RGS17: variants seen among roughly 807,000 people sequenced by gnomAD.
The protein encoded by RGS17 is regulator of G protein signaling 17, also known as regulator of G-protein signaling 17.
A neutral mutation model predicts 25.5 loss-of-function variants in RGS17; 12 were observed. That is an observed-to-expected ratio of 0.47 (90% CI 0.30 to 0.76). The LOEUF (loss-of-function observed/expected upper bound fraction) is 0.76, where lower values mean the gene tolerates loss of function less well. Ranked by LOEUF, RGS17 falls within the 30% of genes least tolerant of loss-of-function variation. The pLI is 0.07. For synonymous variants in RGS17, 71 were observed against 76.9 expected, an observed-to-expected ratio of 0.92 and a Z score of 0.40; for missense variants, 196 against 242.2, an observed-to-expected ratio of 0.81 and a Z score of 1.27.
At chr6:153,043,781 CA>C in intron 2 of RGS17, 118 bp downstream of exon 2, 1 of 614,924 alleles carries the variant, frequency 1.6e-6, no homozygotes, top group Admixed American at 3.0e-5. Flanking sequence ...GTCCTACTTG[CA>C]AAGAAAGAAC....
chr6:153,058,510 C>G (rs1776593982), intron 1 of RGS17, among the ~76,000 whole-genome samples: 1 of 152,226 alleles, frequency 6.6e-6, no homozygotes, highest in Admixed American at 6.5e-5. Flanking sequence ...ATCCAACAAT[C>G]AAACTTCATT....
In RGS17 at chr6:153,005,414, A is replaced by C. The variant is rs1037614668; in HGVS notation, c.*6160T>G. 1.3e-5 allele frequency: 2 copies of C among 152,190 alleles called. No individual in the cohort carries two copies. Among genetic ancestry groups the C allele is most frequent in the Admixed American group, 1.3e-4 (2 of 15,270 alleles). The allele number at this position is 152,190 out of a possible 1,614,324, so 9.4% of individuals were successfully genotyped here. A position where few individuals can be genotyped will look rare whatever the true frequency, so the allele number is the denominator to read the frequency against. On this transcript the variant is annotated 3_prime_UTR_variant, in exon 5 of 5. Coordinates refer to ENST00000206262, the MANE Select transcript of RGS17 (RefSeq NM_012419.5). ...GTTTAGAATTTGTTTAGCTCAGTGT[A>C]AATGTCCAGAAAATTTACCTTCAAT...
intron 1 of RGS17, among the ~76,000 whole-genome samples, chr6:153,125,078 ACTCAC>A (rs1436952624): frequency 6.6e-6 from 1 of 151,958 alleles, no homozygotes; most frequent in East Asian, 1.9e-4. Context: ...TGAAATAAAC[ACTCAC>A]CTGCTCATTC....
chr6:153,060,722 T>G (rs1341735500), intron 1 of RGS17, among the ~76,000 whole-genome samples: 1 of 152,198 alleles, frequency 6.6e-6, no homozygotes, highest in Admixed American at 6.6e-5. Flanking sequence ...GCACTTTTTT[T>G]TTTTTCTTAA....
chr6:153,048,532 A>G (rs944893834), intron 1 of RGS17, among the ~76,000 whole-genome samples: 3 of 152,216 alleles, frequency 2.0e-5, no homozygotes, highest in African/African-American at 7.2e-5. Context: ...TCTTATTCAG[A>G]GTGAAGTTCT....
chr6:153,061,535 A>G (rs931206801), intron 1 of RGS17, among the ~76,000 whole-genome samples: 1 of 152,216 alleles, frequency 6.6e-6, no homozygotes, highest in Non-Finnish European at 1.5e-5. Context: ...CAAAACAAAA[A>G]CAATAACATT....
chr6:153,038,031 G>A (rs554179325), intron 2 of RGS17, among the ~76,000 whole-genome samples: 2 of 152,204 alleles, frequency 1.3e-5, no homozygotes, highest in South Asian at 2.1e-4. Flanking sequence ...CCAAAGCTCC[G>A]GTACATCCTG....
chr6:153,036,141 C>T (rs1776236610), intron 2 of RGS17, among the ~76,000 whole-genome samples: 1 of 152,138 alleles, frequency 6.6e-6, no homozygotes, highest in Non-Finnish European at 1.5e-5. Context: ...GCAGCCTCAA[C>T]TCTTGGGCTC....
At position 153,011,878 on chromosome 6, in the gene RGS17, A is replaced by G. The variant is rs970901653; in HGVS notation, c.445-116T>C. 5.7e-6 allele frequency: 4 copies of G among 700,006 alleles called. No individual in the cohort carries two copies. The African/African-American group carries it at 7.3e-5, about 13-fold the overall frequency. The allele number at this position is 700,006 out of a possible 1,614,324, so 43.4% of individuals were successfully genotyped here. A position where few individuals can be genotyped will look rare whatever the true frequency, so the allele number is the denominator to read the frequency against. On this transcript the variant is annotated intron_variant, in intron 4 of 4. Transcript: ENST00000206262. ...CTTTAAAGAGCAAATCCAACTACCA[A>G]AAGTCTTGGGTTCATCTTTTGAGAC...
intron 1 of RGS17, among the ~76,000 whole-genome samples, chr6:153,094,668 C>T (rs931802949): frequency 1.3e-5 from 2 of 152,038 alleles, no homozygotes; most frequent in African/African-American, 4.8e-5. Flanking sequence ...GAGATACTCT[C>T]GATATGTCAG....
chr6:153,061,800 A>T (rs1487979870), intron 1 of RGS17, among the ~76,000 whole-genome samples: 1 of 152,160 alleles, frequency 6.6e-6, no homozygotes, highest in African/African-American at 2.4e-5. Context: ...AACTAAAACA[A>T]TGTAGGTTAC....
intron 1 of RGS17, among the ~76,000 whole-genome samples, chr6:153,066,505 A>G (rs1015793411): frequency 6.6e-6 from 1 of 152,184 alleles, no homozygotes; most frequent in Non-Finnish European, 1.5e-5. Flanking sequence ...TGAGGCCAGT[A>G]TTATCTTGAT....
intron 1 of RGS17, among the ~76,000 whole-genome samples, chr6:153,097,242 G>C (rs1166310008): frequency 2.7e-5 from 4 of 147,358 alleles, no homozygotes; most frequent in Non-Finnish European, 6.0e-5. Context: ...AATGGTTATT[G>C]AACAACCATT....
intron 1 of RGS17, among the ~76,000 whole-genome samples, chr6:153,125,194 T>C (rs956640781): frequency 2.6e-5 from 4 of 152,192 alleles, no homozygotes; most frequent in Non-Finnish European, 5.9e-5. Flanking sequence ...AGCAGTACTG[T>C]ACTGTGAAAA....
intron 4 of RGS17, among the ~76,000 whole-genome samples, chr6:153,018,823 T>C (rs1167615335): frequency 6.6e-6 from 1 of 152,236 alleles, no homozygotes; most frequent in African/African-American, 2.4e-5. Flanking sequence ...AATGATAATA[T>C]GCGTGCATAA....
chr6:153,020,905 G>A (rs774575195), intron 4 of RGS17, among the ~76,000 whole-genome samples: 1 of 152,198 alleles, frequency 6.6e-6, no homozygotes, highest in East Asian at 1.9e-4. Flanking sequence ...CTGAGGTTCA[G>A]TGTGGGGACA....
chr6:153,106,456 G>A (rs1777386023), intron 1 of RGS17, among the ~76,000 whole-genome samples: 1 of 151,420 alleles, frequency 6.6e-6, no homozygotes, highest in Non-Finnish European at 1.5e-5. Flanking sequence ...GCAGGAGAGG[G>A]TAGAAGAAAA....
rs1364954459 is a variant in RGS17 at position 153,006,623 on chromosome 6, A to G, written c.*4951T>C. 1 of 149,936 alleles carries G rather than the reference A, an allele frequency of 6.7e-6. No homozygotes were observed. Among genetic ancestry groups the G allele is most frequent in the African/African-American group, 2.6e-5 (1 of 39,026 alleles). 9.3% of individuals were successfully genotyped at this position (149,936 alleles called of 1,614,324 possible). On this transcript the variant is annotated 3_prime_UTR_variant, in exon 5 of 5. Transcript: ENST00000206262. The stretch of plus-strand genomic sequence containing the variant: ...ATCAGATGTTTAACGTATGTTTTGG[A>G]AAAAAATAGGGGAAAGTGCATTAAA...
rs949691894 is a variant in RGS17 at position 153,008,589 on chromosome 6, C to A, written c.*2985G>T. 6.6e-6 allele frequency: 1 copy of A among 152,196 alleles called. No homozygotes were observed. 9.4% of individuals were successfully genotyped at this position (152,196 alleles called of 1,614,324 possible). On this transcript the variant is annotated 3_prime_UTR_variant, in exon 5 of 5. Coordinates refer to ENST00000206262, the MANE Select transcript of RGS17 (RefSeq NM_012419.5). ...ATACATAATCTGTATCCTCTACTTT[C>A]TTTTATAGATACATCTAAAGTTAGG...
Sources: allele counts gnomAD v4.1 joint callset (sites outside exome capture counted in the v4.1 genomes callset), GRCh38; gene constraint gnomAD v4.1.1; transcripts MANE v1.5; gene names NCBI Gene and HGNC (gene_info 2026-07-23, HGNC 2026-07-21).